Variants in CCNY observed in about 807,000 individuals in gnomAD.
CCNY encodes the protein cyclin-Y.
In CCNY, 19 loss-of-function variants were observed where a neutral mutation model predicts 42.8. The observed-to-expected ratio is 0.44, with a 90% CI of 0.31 to 0.65. CCNY has a LOEUF of 0.65. Among genes scored for constraint, CCNY ranks in the 30% least tolerant of loss-of-function variants. The probability of loss-of-function intolerance (pLI) is 0.07; values close to 1 mark genes in which losing one functional copy is unlikely to be tolerated. For synonymous variants in CCNY, 165 were observed against 162.7 expected (o/e 1.01, Z -0.11); for missense variants, 370 against 437.3 (o/e 0.85, Z 1.37).
At chr10:35,517,740 G>A (rs1417884703) in intron 4 of CCNY, among the ~76,000 whole-genome samples, 3 of 152,196 alleles carry the variant, frequency 2.0e-5, no homozygotes, top group Non-Finnish European at 2.9e-5. Context: ...CGGAGTGCAC[G>A]GGAAGTGACT....
chr10:35,501,324 A>G (rs1211835858), intron 2 of CCNY, among the ~76,000 whole-genome samples, 177 bp from the exon 3 acceptor site: 1 of 152,176 alleles, frequency 6.6e-6, no homozygotes, highest in Non-Finnish European at 1.5e-5. Flanking sequence ...CTGTGAGCCA[A>G]GTTCATTCAG....
intron 3 of CCNY, among the ~76,000 whole-genome samples, chr10:35,330,991 C>T (rs1835937414): frequency 6.6e-6 from 1 of 152,232 alleles, no homozygotes; most frequent in Non-Finnish European, 1.5e-5. Flanking sequence ...AACTCTCGAC[C>T]TCAGGTGATC....
intron 1 of CCNY, among the ~76,000 whole-genome samples, chr10:35,368,171 G>GT: frequency 6.6e-6 from 1 of 152,180 alleles, no homozygotes; most frequent in East Asian, 1.9e-4. Flanking sequence ...AAAAACACCT[G>GT]CCCAGAAATC....
At chr10:35,399,536 C>A (rs1057234147) in intron 1 of CCNY, among the ~76,000 whole-genome samples, 1 of 152,210 alleles carries the variant, frequency 6.6e-6, no homozygotes, top group Non-Finnish European at 1.5e-5. Context: ...ACAGGCTATT[C>A]TGCTTCCTCA....
intron 1 of CCNY, among the ~76,000 whole-genome samples, chr10:35,473,412 T>C (rs1839431192): frequency 6.6e-6 from 1 of 152,214 alleles, no homozygotes; most frequent in Admixed American, 6.5e-5. Flanking sequence ...CTTCTTCTTC[T>C]TGGTGAGTTA....
rs1476550011 is a variant in CCNY, at chr10:35,516,586, A to G, written c.328A>G (p.Thr110Ala). The change falls in exon 4 of 10, where the codon ACA (threonine) becomes GCA (alanine). Residue 110 changes from threonine (T) to alanine (A), a missense_variant. Around this residue, in one of 2 missense-constraint regions of CCNY, gnomAD observed 234 missense variants for 313.1 expected, o/e 0.75. Transcript: ENST00000374704. ...CTCCACCATTTTCCTAGATGATAGC[A>G]CAGTCAGTCAACCAAACCTCAAGTA... The part of the protein sequence containing the change: ...SCSTIFLDDS[T>A]VSQPNLKYTI... 6.2e-7 allele frequency: 1 copy of G among 1,612,326 alleles called. No homozygotes were observed. The highest frequency in any genetic ancestry group is 1.3e-5 in the African/African-American group (1 of 74,476).
rs111960463 is a variant in CCNY, at chr10:35,363,038, C to T, written c.154+25831C>T. ...TCCCAGGTGGTGGGCCGCCGGCGGC[C>T]GGGCGGAGACGCTCCTCACTTCCCA... On this transcript the variant is annotated intron_variant, in intron 1 of 9. Transcript: ENST00000374704. 4.3e-3 allele frequency among the ~76,000 whole-genome samples: 600 copies of T among 139,820 alleles called. 2 individuals are homozygous for T. Among genetic ancestry groups the T allele is most frequent in the African/African-American group, 0.015 (555 of 37,014 alleles). The allele number at this position is 139,820 out of a possible 152,430, so 91.7% of individuals were successfully genotyped here.
chr10:35,446,355 G>A (rs1838789916), intron 1 of CCNY, among the ~76,000 whole-genome samples: 1 of 152,136 alleles, frequency 6.6e-6, no homozygotes, highest in Non-Finnish European at 1.5e-5. Context: ...TATTCTCCTT[G>A]ATGAAGATAC....
chr10:35,401,428 C>A (rs1401436360), intron 1 of CCNY, among the ~76,000 whole-genome samples: 1 of 152,220 alleles, frequency 6.6e-6, no homozygotes, highest in South Asian at 2.1e-4. Context: ...GATTATCTGC[C>A]AGTTTCCTTC....
rs1425524776 is a variant in CCNY at position 35,355,634 on chromosome 10, C to T, written c.154+18427C>T. Reference sequence around the variant, plus strand: ...CAGAGGTTGCAGTGAGCCAATATTGCGCCATTGCACTCCAGCCTGGGCAAC... The same window carrying T: ...CAGAGGTTGCAGTGAGCCAATATTGTGCCATTGCACTCCAGCCTGGGCAAC... On this transcript the variant is annotated intron_variant, in intron 1 of 9. Coordinates refer to ENST00000374704, the MANE Select transcript of CCNY (RefSeq NM_145012.6). 3.7e-5 allele frequency among the ~76,000 whole-genome samples: 5 copies of T among 133,348 alleles called. No individual in the cohort carries two copies. In the South Asian group the frequency reaches 9.8e-4, roughly 26 times the overall value. 87.5% of individuals were successfully genotyped at this position (133,348 alleles called of 152,430 possible). A position where few individuals can be genotyped will look rare whatever the true frequency, so the allele number is the denominator to read the frequency against.
intron 1 of CCNY, among the ~76,000 whole-genome samples, chr10:35,432,994 C>T (rs974498589): frequency 4.6e-5 from 7 of 152,154 alleles, no homozygotes; most frequent in African/African-American, 1.7e-4. Context: ...CTTGGTTTTA[C>T]CAGCTGAGTG....
At chr10:35,392,386 C>T (rs765003490) in intron 1 of CCNY, among the ~76,000 whole-genome samples, 4 of 152,140 alleles carry the variant, frequency 2.6e-5, no homozygotes, top group Non-Finnish European at 5.9e-5. Flanking sequence ...GGCTTCCTGT[C>T]CTTCAGGAGC....
intron 1 of CCNY, among the ~76,000 whole-genome samples, chr10:35,464,529 C>T (rs1246926332): frequency 6.6e-6 from 1 of 152,014 alleles, no homozygotes; most frequent in African/African-American, 2.4e-5. Context: ...CACTGCTTCC[C>T]CCTTCTTATG....
chr10:35,302,555 C>T (rs1835550875), intron 3 of CCNY, among the ~76,000 whole-genome samples: 1 of 152,226 alleles, frequency 6.6e-6, no homozygotes, highest in Non-Finnish European at 1.5e-5. Flanking sequence ...AGGCGATCCA[C>T]TTGCCTCAGC....
intron 1 of CCNY, among the ~76,000 whole-genome samples, chr10:35,348,087 G>A (rs1264205758): frequency 1.3e-5 from 2 of 152,158 alleles, no homozygotes; most frequent in Non-Finnish European, 2.9e-5. Context: ...GCTGTGAACC[G>A]TTATTGCACC....
chr10:35,332,307 G>T (rs1835954957), upstream of CCNY: 2 of 152,226 alleles, frequency 1.3e-5, no homozygotes, highest in African/African-American at 4.8e-5. Context: ...CAGGTCCTGG[G>T]CTAACTTGGC....
At chr10:35,272,286 C>T (rs1442496553) in intron 3 of CCNY, among the ~76,000 whole-genome samples, 14 of 139,516 alleles carry the variant, frequency 1.0e-4, no homozygotes, top group South Asian at 2.3e-4. Context: ...TGTGCCTGGC[C>T]TTTTTTTTTT....
At chr10:35,304,065 C>T (rs1395165073) in intron 3 of CCNY, among the ~76,000 whole-genome samples, 1 of 152,074 alleles carries the variant, frequency 6.6e-6, no homozygotes, top group Non-Finnish European at 1.5e-5. Flanking sequence ...CCAGTTTCTC[C>T]GTCTCCTGCA....
At chr10:35,414,043 G>C (rs983299784) in intron 1 of CCNY, among the ~76,000 whole-genome samples, 10 of 152,154 alleles carry the variant, frequency 6.6e-5, no homozygotes, top group African/African-American at 2.4e-4. Flanking sequence ...TTAACCCAGG[G>C]TTTTTCTAGG....
Sources: gnomAD v4.1 joint callset for allele counts (sites outside exome capture counted in the v4.1 genomes callset) on GRCh38, gnomAD v4.1.1 for gene constraint, gnomAD v4.1.1 regional missense constraint, MANE v1.5 for transcripts, NCBI Gene and HGNC (gene_info 2026-07-23, HGNC 2026-07-21) for gene names.